The following NBEA variants were observed in gnomAD, a reference collection of about 807,000 sequenced individuals.
NBEA encodes lysosomal-trafficking regulator 2.
In NBEA, 44 loss-of-function variants were observed where a neutral mutation model predicts 343.4. The observed-to-expected ratio is 0.13, with a 90% CI of 0.10 to 0.16. NBEA has a LOEUF of 0.16. Ranked by LOEUF, NBEA falls within the 10% of genes least tolerant of loss-of-function variation. The probability of loss-of-function intolerance (pLI) is 1.00; values close to 1 mark genes in which losing one functional copy is unlikely to be tolerated. For synonymous variants in NBEA, 1,175 were observed against 1,238.7 expected (o/e 0.95, Z 1.08); for missense variants, 2,555 against 3,631.3 (o/e 0.70, Z 7.62).
chr13:35,469,977 C>T (rs2075572298), intron 40 of NBEA, among the ~76,000 whole-genome samples: 1 of 152,254 alleles, frequency 6.6e-6, no homozygotes, highest in Admixed American at 6.5e-5. Context: ...ATAATCCCCT[C>T]TCTCTATTCT....
chr13:35,203,675 G>A (rs548286266), intron 31 of NBEA, among the ~76,000 whole-genome samples: 45 of 152,214 alleles, frequency 3.0e-4, no homozygotes, highest in African/African-American at 9.9e-4. Flanking sequence ...CTAGCTTTGA[G>A]ATAGGATAAA....
intron 35 of NBEA, among the ~76,000 whole-genome samples, chr13:35,299,689 A>G (rs751983947): frequency 1.3e-5 from 2 of 152,138 alleles, no homozygotes; most frequent in African/African-American, 4.8e-5. Flanking sequence ...AAGGTTGTTC[A>G]TTTATTTTTT....
At chr13:34,979,275 T>G (rs2152505151) in intron 1 of NBEA, among the ~76,000 whole-genome samples, 1 of 152,208 alleles carries the variant, frequency 6.6e-6, no homozygotes, top group South Asian at 2.1e-4. Flanking sequence ...CACACCTGAC[T>G]TCGGGAGGCC....
rs561890915 is a variant in NBEA, at chr13:35,278,276, G to C, written c.5777-12113G>C. On this transcript the variant is annotated intron_variant, in intron 34 of 58. Transcript: ENST00000379939. ...AAGGATGTTATAAATTTGAACAATG[G>C]AAGAAAAAAGGATAGTTGAAAGGCA... 5.1e-4 allele frequency among the ~76,000 whole-genome samples: 77 copies of C among 151,772 alleles called. 1 individual carries two copies. The highest frequency in any genetic ancestry group is 1.7e-3 in the African/African-American group (70 of 41,460).
At chr13:35,191,311 A>G (rs992028085) in intron 30 of NBEA, among the ~76,000 whole-genome samples, 14 of 152,112 alleles carry the variant, frequency 9.2e-5, no homozygotes, top group Admixed American at 9.2e-4. Context: ...AATGCACTCC[A>G]AGTAGGATAA....
intron 49 of NBEA, among the ~76,000 whole-genome samples, chr13:35,643,145 G>C (rs999952084): frequency 1.3e-5 from 2 of 150,884 alleles, no homozygotes; most frequent in Non-Finnish European, 2.9e-5. Flanking sequence ...ATTTCTATAT[G>C]GTAGAAAACC....
At chr13:35,337,142 A>T (rs1256686798) in intron 36 of NBEA, among the ~76,000 whole-genome samples, 3 of 152,172 alleles carry the variant, frequency 2.0e-5, no homozygotes, top group African/African-American at 7.2e-5. Flanking sequence ...GAAAAATGGC[A>T]GAAGTCCTTT....
At chr13:35,308,556 A>G (rs1461420109) in intron 35 of NBEA, among the ~76,000 whole-genome samples, 2 of 113,396 alleles carry the variant, frequency 1.8e-5, no homozygotes, top group Non-Finnish European at 3.6e-5. Context: ...ATATGTATAT[A>G]TGTATATATG....
chr13:35,163,604 A>C (rs1436198509), intron 23 of NBEA, among the ~76,000 whole-genome samples: 2 of 149,200 alleles, frequency 1.3e-5, no homozygotes, highest in Non-Finnish European at 3.0e-5. Flanking sequence ...GGGTGACAGC[A>C]GAGATCCTTT....
intron 41 of NBEA, among the ~76,000 whole-genome samples, chr13:35,527,410 G>T (rs535635843): frequency 5.3e-5 from 8 of 152,142 alleles, no homozygotes; most frequent in African/African-American, 1.9e-4. Context: ...CCAGGAACCC[G>T]TCTGCCTCCT....
At chr13:35,558,188 G>C (rs2153019562) in intron 44 of NBEA, among the ~76,000 whole-genome samples, 1 of 152,174 alleles carries the variant, frequency 6.6e-6, no homozygotes, top group Non-Finnish European at 1.5e-5. Flanking sequence ...AGTAAAGTAT[G>C]GTTTCTGCCT....
chr13:35,119,869 G>A (rs1399814329), intron 16 of NBEA, among the ~76,000 whole-genome samples: 2 of 152,134 alleles, frequency 1.3e-5, no homozygotes, highest in Admixed American at 6.5e-5. Context: ...GATTACAGGC[G>A]TAAGCCACCG....
At chr13:35,579,235 T>A (rs1393773724) in intron 45 of NBEA, among the ~76,000 whole-genome samples, 1 of 152,168 alleles carries the variant, frequency 6.6e-6, no homozygotes, top group Non-Finnish European at 1.5e-5. Flanking sequence ...ATAATGTAGT[T>A]TGGTGACATT....
intron 1 of NBEA, among the ~76,000 whole-genome samples, chr13:34,961,353 ACT>A (rs1325602108): frequency 2.0e-5 from 3 of 152,050 alleles, no homozygotes; most frequent in Non-Finnish European, 4.4e-5. Context: ...TTTAACATAC[ACT>A]CATAAGTTAT....
At chr13:35,627,549 C>T (rs972809768) in intron 48 of NBEA, among the ~76,000 whole-genome samples, 3 of 151,888 alleles carry the variant, frequency 2.0e-5, no homozygotes, top group Non-Finnish European at 4.4e-5. Flanking sequence ...CCCAGTGATT[C>T]CCAAACTGTG....
intron 1 of NBEA, among the ~76,000 whole-genome samples, chr13:34,957,185 A>G (rs2059526192): frequency 6.6e-6 from 1 of 151,994 alleles, no homozygotes; most frequent in Non-Finnish European, 1.5e-5. Context: ...GCTACTCTTG[A>G]TTCTCTTATC....
At chr13:35,383,084 G>A (rs2042087901) in intron 38 of NBEA, among the ~76,000 whole-genome samples, 2 of 152,094 alleles carry the variant, frequency 1.3e-5, no homozygotes, top group South Asian at 4.1e-4. Context: ...ATACATACCA[G>A]TACCTTATAG....
At chr13:35,442,250 A>G (rs1022395902) in intron 39 of NBEA, among the ~76,000 whole-genome samples, 1 of 152,162 alleles carries the variant, frequency 6.6e-6, no homozygotes, top group Non-Finnish European at 1.5e-5. Context: ...AGTCACAAAG[A>G]TGAATAGTGC....
intron 38 of NBEA, among the ~76,000 whole-genome samples, chr13:35,378,126 T>C (rs2041840182): frequency 6.6e-6 from 1 of 152,224 alleles, no homozygotes; most frequent in Non-Finnish European, 1.5e-5. Flanking sequence ...TACTTACGTG[T>C]ATGTATGTGT....
Sources: gnomAD v4.1 joint callset for allele counts (sites outside exome capture counted in the v4.1 genomes callset) on GRCh38, gnomAD v4.1.1 for gene constraint, MANE v1.5 for transcripts, NCBI Gene and HGNC (gene_info 2026-07-23, HGNC 2026-07-21) for gene names.